LHFPL2: variants seen among roughly 807,000 people sequenced by gnomAD.
The protein encoded by LHFPL2 is LHFPL tetraspan subfamily member 2.
A neutral mutation model predicts 17.5 loss-of-function variants in LHFPL2; 7 were observed. The ratio of observed to expected loss-of-function variants is 0.40; its 90% CI spans 0.23 to 0.75. LHFPL2 has a LOEUF of 0.75. Ranked by LOEUF, LHFPL2 falls within the 30% of genes least tolerant of loss-of-function variation. The probability of loss-of-function intolerance (pLI) is 0.37; values close to 1 mark genes in which losing one functional copy is unlikely to be tolerated. For missense variants in LHFPL2, 241 were observed against 294.8 expected, an observed-to-expected ratio of 0.82 and a Z score of 1.34; for synonymous variants, 134 against 116.2, an observed-to-expected ratio of 1.15 and a Z score of -0.99.
intron 1 of LHFPL2, among the ~76,000 whole-genome samples, chr5:78,637,853 T>C (rs921001062): frequency 1.3e-5 from 2 of 152,180 alleles, no homozygotes; most frequent in Non-Finnish European, 2.9e-5. Context: ...CAGTCAAGCT[T>C]GAGAAGCCCT....
rs1250850244 is a variant in LHFPL2 at position 78,488,787 on chromosome 5, G to C, written c.*110C>G. ...GGTCCTGTTTAAGCCTCGGGCCGTG[G>C]AACGTGGCTTTGGTAGGTAAAGGTT... is the stretch of plus-strand genomic sequence containing the variant. On this transcript the variant is annotated 3_prime_UTR_variant, in exon 5 of 5. Transcript: ENST00000380345. The C allele has an allele frequency of 3.9e-6, 5 of 1,291,092 alleles. No individual in the cohort carries two copies. The African/African-American group carries it at 7.4e-5, about 19-fold the overall frequency. 80.0% of individuals were successfully genotyped at this position (1,291,092 alleles called of 1,614,324 possible).
intron 3 of LHFPL2, among the ~76,000 whole-genome samples, chr5:78,528,830 A>G (rs1453043966): frequency 3.9e-5 from 6 of 152,248 alleles, no homozygotes; most frequent in Non-Finnish European, 7.3e-5. Context: ...AACACCCAAG[A>G]CAGTCACAAG....
intron 2 of LHFPL2, among the ~76,000 whole-genome samples, chr5:78,608,489 G>A (rs1362182937): frequency 6.6e-6 from 1 of 151,946 alleles, no homozygotes; most frequent in Non-Finnish European, 1.5e-5. Context: ...ATAATATATG[G>A]GGAAATACAA....
chr5:78,584,017 C>T (rs1743265573), intron 2 of LHFPL2, among the ~76,000 whole-genome samples: 1 of 152,252 alleles, frequency 6.6e-6, no homozygotes, highest in South Asian at 2.1e-4. Context: ...TCCCTTCTCA[C>T]TTCATTTCAT....
intron 3 of LHFPL2, among the ~76,000 whole-genome samples, chr5:78,533,147 T>C (rs1403737964): frequency 6.6e-6 from 1 of 152,178 alleles, no homozygotes; most frequent in Admixed American, 6.5e-5. Context: ...ACTAATTCCT[T>C]AGGTCCAGGT....
intron 2 of LHFPL2, among the ~76,000 whole-genome samples, chr5:78,586,192 G>T (rs973205578): frequency 6.6e-6 from 1 of 152,222 alleles, no homozygotes; most frequent in East Asian, 1.9e-4. Flanking sequence ...CTTCCCTCGG[G>T]CAAGTTACTC....
At chr5:78,527,681 C>T (rs1045420266) in intron 3 of LHFPL2, among the ~76,000 whole-genome samples, 1 of 150,122 alleles carries the variant, frequency 6.7e-6, no homozygotes, top group Non-Finnish European at 1.5e-5. Flanking sequence ...TTTTACTTCA[C>T]AAAGAAAAAA....
chr5:78,582,781 C>G (rs1026417848), intron 2 of LHFPL2, among the ~76,000 whole-genome samples: 1 of 152,070 alleles, frequency 6.6e-6, no homozygotes, highest in African/African-American at 2.4e-5. Flanking sequence ...GGGTGTAGAG[C>G]TCTGTAGATG....
chr5:78,492,165 G>C (rs960407209), intron 4 of LHFPL2, among the ~76,000 whole-genome samples: 1 of 152,132 alleles, frequency 6.6e-6, no homozygotes, highest in South Asian at 2.1e-4. Flanking sequence ...CCCCCAGCCC[G>C]GCACGCAAAG....
intron 3 of LHFPL2, among the ~76,000 whole-genome samples, chr5:78,519,245 T>C (rs1755378398): frequency 6.6e-6 from 1 of 152,144 alleles, no homozygotes; most frequent in Non-Finnish European, 1.5e-5. Context: ...AAAAGGAGCA[T>C]GTCCCTGGGG....
At chr5:78,519,437 AG>A (rs1218390285) in intron 3 of LHFPL2, among the ~76,000 whole-genome samples, 2 of 152,292 alleles carry the variant, frequency 1.3e-5, no homozygotes, top group African/African-American at 4.8e-5. Flanking sequence ...GGGATCTGTC[AG>A]GCTTCAGGAA....
intron 2 of LHFPL2, among the ~76,000 whole-genome samples, chr5:78,609,249 T>C (rs1744328015): frequency 6.6e-6 from 1 of 151,852 alleles, no homozygotes; most frequent in Non-Finnish European, 1.5e-5. Flanking sequence ...TCAGGAGTTC[T>C]AGACCAGCCT....
chr5:78,538,120 A>G (rs1428800885), intron 3 of LHFPL2, among the ~76,000 whole-genome samples: 2 of 152,196 alleles, frequency 1.3e-5, no homozygotes, highest in Admixed American at 6.5e-5. Flanking sequence ...ATCAGGATCT[A>G]TGTTTTAACA....
intron 3 of LHFPL2, among the ~76,000 whole-genome samples, chr5:78,527,361 G>C (rs1354263241): frequency 7.5e-6 from 1 of 132,604 alleles, no homozygotes; most frequent in Non-Finnish European, 1.6e-5. Context: ...TGCTGATGAG[G>C]AGTTTTTTTT....
chr5:78,490,015 G>A (rs924744909), intron 4 of LHFPL2, among the ~76,000 whole-genome samples: 3 of 152,208 alleles, frequency 2.0e-5, no homozygotes, highest in African/African-American at 7.2e-5. Flanking sequence ...CTGATTGTTA[G>A]TGCTTTAAGT....
At chr5:78,564,136 A>G (rs1756799967) in intron 3 of LHFPL2, among the ~76,000 whole-genome samples, 1 of 152,128 alleles carries the variant, frequency 6.6e-6, no homozygotes, top group East Asian at 1.9e-4. Context: ...CCAGTTTATA[A>G]TAAGACCTGA....
intron 3 of LHFPL2, among the ~76,000 whole-genome samples, chr5:78,551,966 T>C (rs1027146669): frequency 2.6e-5 from 4 of 152,154 alleles, no homozygotes; most frequent in Non-Finnish European, 5.9e-5. Context: ...TCATACCCTC[T>C]TGTCAAATCA....
chr5:78,496,931 A>T (rs1754626071), intron 4 of LHFPL2, among the ~76,000 whole-genome samples: 1 of 152,108 alleles, frequency 6.6e-6, no homozygotes, highest in Admixed American at 6.5e-5. Context: ...CCATGGCTTT[A>T]AGTACTACCC....
At chr5:78,520,086 A>G (rs560724327) in intron 3 of LHFPL2, among the ~76,000 whole-genome samples, 2 of 152,302 alleles carry the variant, frequency 1.3e-5, no homozygotes, top group Admixed American at 1.3e-4. Context: ...GGTGGAACAC[A>G]AAAACTGTGC....
Sources: allele counts gnomAD v4.1 joint callset (sites outside exome capture counted in the v4.1 genomes callset), GRCh38; gene constraint gnomAD v4.1.1; transcripts MANE v1.5; gene names NCBI Gene and HGNC (gene_info 2026-07-23, HGNC 2026-07-21).